Variants in NAALADL2 observed in about 807,000 individuals in gnomAD.
NAALADL2 encodes the protein N-acetylated alpha-linked acidic dipeptidase like 2.
In NAALADL2, 76 loss-of-function variants were observed where a neutral mutation model predicts 87.2. That is an observed-to-expected ratio of 0.87 (90% CI 0.72 to 1.05). The LOEUF (loss-of-function observed/expected upper bound fraction) is 1.05, where lower values mean the gene tolerates loss of function less well. NAALADL2 is among the 50% of genes least tolerant of loss of function. The pLI is 0.00. For missense variants in NAALADL2, 1,089 were observed against 945.8 expected (o/e 1.15, Z -1.99); for synonymous variants, 354 against 331.0 (o/e 1.07, Z -0.75).
chr3:175,110,630 C>T (rs929909089), intron 2 of NAALADL2, among the ~76,000 whole-genome samples: 13 of 151,720 alleles, frequency 8.6e-5, no homozygotes, highest in African/African-American at 3.1e-4. Flanking sequence ...ATAATGATTG[C>T]TGATAGTAAT....
chr3:174,783,846 C>T (rs985389647), intron 3 of NAALADL2, among the ~76,000 whole-genome samples: 1 of 151,984 alleles, frequency 6.6e-6, no homozygotes, highest in Non-Finnish European at 1.5e-5. Flanking sequence ...GGAGGACTTC[C>T]AGGGCATCAT....
rs140324998 is a variant in NAALADL2, at chr3:175,655,069, A to G, written c.1896+27683A>G. On this transcript the variant is annotated intron_variant, in intron 11 of 13. Coordinates refer to ENST00000454872, the MANE Select transcript of NAALADL2 (RefSeq NM_207015.3). ...GTAACTACAAAATTATTACAATAGG[A>G]TAGTATGAATTACAGTTAATTTGAT... Among the ~76,000 whole-genome samples, 55 of 152,218 alleles carry G rather than the reference A, an allele frequency of 3.6e-4. No homozygotes were observed. In the East Asian group the frequency reaches 0.01, roughly 28 times the overall value.
chr3:174,885,901 T>TAGA, intron 1 of NAALADL2, among the ~76,000 whole-genome samples: 1 of 36,720 alleles, frequency 2.7e-5, no homozygotes, highest in African/African-American at 1.4e-4. Context: ...TTTTTTTTTT[T>TAGA]TTTTTTTTTT....
At chr3:174,641,007 C>T (rs1560110810) in intron 2 of NAALADL2, among the ~76,000 whole-genome samples, 1 of 152,196 alleles carries the variant, frequency 6.6e-6, no homozygotes, top group Admixed American at 6.5e-5. Flanking sequence ...CCCCTCCAGG[C>T]GAGGATGGGC....
chr3:175,423,716 C>T (rs1716277837), intron 5 of NAALADL2, among the ~76,000 whole-genome samples: 1 of 152,136 alleles, frequency 6.6e-6, no homozygotes, highest in South Asian at 2.1e-4. Flanking sequence ...AATAGTGCCA[C>T]AATAAATATG....
At chr3:174,570,642 C>T (rs1029409168) in intron 2 of NAALADL2, among the ~76,000 whole-genome samples, 26 of 152,094 alleles carry the variant, frequency 1.7e-4, no homozygotes, top group African/African-American at 6.0e-4. Context: ...TGTATTCTAG[C>T]TTAAGGGTCA....
intron 3 of NAALADL2, among the ~76,000 whole-genome samples, chr3:174,741,672 A>G (rs1733780272): frequency 6.6e-6 from 1 of 151,604 alleles, no homozygotes; most frequent in Non-Finnish European, 1.5e-5. Flanking sequence ...AAAAACTCCA[A>G]CTCATTAACT....
intron 10 of NAALADL2, among the ~76,000 whole-genome samples, chr3:175,581,438 T>C (rs1719763586): frequency 6.6e-6 from 1 of 152,198 alleles, no homozygotes; most frequent in African/African-American, 2.4e-5. Flanking sequence ...TGAGACTCTG[T>C]CTCTAAATAA....
chr3:174,891,148 C>T (rs1348588132), intron 1 of NAALADL2, among the ~76,000 whole-genome samples: 1 of 151,992 alleles, frequency 6.6e-6, no homozygotes, highest in African/African-American at 2.4e-5. Context: ...ATAAGTAACG[C>T]AACATTTCAC....
chr3:174,873,799 A>G (rs1728152017), intron 1 of NAALADL2, among the ~76,000 whole-genome samples: 1 of 151,604 alleles, frequency 6.6e-6, no homozygotes, highest in Non-Finnish European at 1.5e-5. Flanking sequence ...TTTTCATTAT[A>G]ATATTCGTGC....
intron 6 of NAALADL2, among the ~76,000 whole-genome samples, chr3:175,456,063 A>G (rs958770348): frequency 6.6e-6 from 1 of 152,024 alleles, no homozygotes; most frequent in Non-Finnish European, 1.5e-5. Context: ...TTTGAATAAG[A>G]TTGGAATTTT....
chr3:174,751,061 TA>T (rs1734772131), intron 3 of NAALADL2, among the ~76,000 whole-genome samples: 1 of 152,188 alleles, frequency 6.6e-6, no homozygotes, highest in Non-Finnish European at 1.5e-5. Context: ...AAATCTTATT[TA>T]TTTATTTTTG....
intron 2 of NAALADL2, among the ~76,000 whole-genome samples, chr3:175,193,336 A>G (rs902725898): frequency 2.0e-5 from 3 of 151,876 alleles, no homozygotes; most frequent in Admixed American, 2.0e-4. Context: ...GAAAGTATTA[A>G]TTTTAGAGGG....
intron 6 of NAALADL2, 23 bp downstream of exon 6, chr3:175,447,395 C>G: frequency 6.7e-7 from 1 of 1,497,962 alleles, no homozygotes; most frequent in Non-Finnish European, 8.9e-7. Context: ...ATGTCGTTCT[C>G]TGTATTTTAC....
chr3:175,032,280 A>G (rs77384303), intron 1 of NAALADL2, among the ~76,000 whole-genome samples: 8,819 of 152,096 alleles, frequency 0.058, 372 homozygotes, highest in East Asian at 0.097. Flanking sequence ...AATATCCAGT[A>G]TTATTAATAA....
chr3:175,558,981 T>C (rs1443598163), intron 9 of NAALADL2, among the ~76,000 whole-genome samples: 1 of 152,138 alleles, frequency 6.6e-6, no homozygotes, highest in Admixed American at 6.5e-5. Flanking sequence ...GGTATTTTGG[T>C]AGGGATTACA....
chr3:175,101,944 C>T (rs1722286060), intron 2 of NAALADL2, among the ~76,000 whole-genome samples: 1 of 96,246 alleles, frequency 1.0e-5, no homozygotes, highest in African/African-American at 7.1e-5. Context: ...TAAAAACCAT[C>T]CATAATCCTA....
chr3:175,205,355 G>C (rs1050435385), intron 2 of NAALADL2, among the ~76,000 whole-genome samples: 1 of 152,066 alleles, frequency 6.6e-6, no homozygotes, highest in African/African-American at 2.4e-5. Flanking sequence ...AAAGGACACT[G>C]TTTTCAACAA....
chr3:175,458,512 C>A (rs1180334860), intron 6 of NAALADL2, among the ~76,000 whole-genome samples: 1 of 146,882 alleles, frequency 6.8e-6, no homozygotes, highest in African/African-American at 2.5e-5. Context: ...AATATAAATT[C>A]ATATGTTCTC....
Sources: gnomAD v4.1 joint callset for allele counts (sites outside exome capture counted in the v4.1 genomes callset) on GRCh38, gnomAD v4.1.1 for gene constraint, MANE v1.5 for transcripts, NCBI Gene and HGNC (gene_info 2026-07-23, HGNC 2026-07-21) for gene names.